Variants in OR7D4 observed in about 807,000 individuals in gnomAD.
OR7D4 encodes olfactory receptor family 7 subfamily D member 4.
For missense variants in OR7D4, 319 were observed against 377.1 expected, an observed-to-expected ratio of 0.85 and a Z score of 1.27; for synonymous variants, 154 against 158.4, an observed-to-expected ratio of 0.97 and a Z score of 0.21.
rs1213365762 is a variant in OR7D4, at chr19:9,210,728, T to A, written c.*3171A>T. 5.7e-5 allele frequency: 8 copies of A among 140,470 alleles called. No homozygotes were observed. The highest frequency in any genetic ancestry group is 2.3e-4 in the South Asian group (1 of 4,324). The allele number at this position is 140,470 out of a possible 1,614,324, so 8.7% of individuals were successfully genotyped here. A position where few individuals can be genotyped will look rare whatever the true frequency, so the allele number is the denominator to read the frequency against. ...CACACAACACACACAACACAGAGTC[T>A]ACACTAGGGAGTTCTCCGCCTGAAG... On this transcript the variant is annotated 3_prime_UTR_variant, in exon 2 of 2. Transcript: ENST00000641669.
rs2051169991 is a variant in OR7D4, at chr19:9,211,100, C to CTGTTG, written c.*2798_*2799insCAACA. On this transcript the variant is annotated 3_prime_UTR_variant, in exon 2 of 2. Coordinates refer to ENST00000641669, the MANE Select transcript of OR7D4 (RefSeq NM_001005191.3). ...TGTCCTGGTAGAAGGATAGGCCTGGCCTCTGTTGCTCTGTCCCTTGCTTCC... is the reference window on the plus strand; with the variant it reads ...TGTCCTGGTAGAAGGATAGGCCTGGCTGTTGCTCTGTTGCTCTGTCCCTTGCTTCC... 1 of 152,276 alleles carries CTGTTG rather than the reference C, an allele frequency of 6.6e-6. No homozygotes were observed. Among genetic ancestry groups the CTGTTG allele is most frequent in the African/African-American group, 2.4e-5 (1 of 41,442 alleles). The allele number at this position is 152,276 out of a possible 1,614,324, so 9.4% of individuals were successfully genotyped here.
chr19:9,213,934 C>A lies in OR7D4; in HGVS notation c.904G>T (p.Glu302Ter), dbSNP rs2051189148. Residue 302 changes from glutamate (E) to a stop codon, truncating the protein, a stop_gained, in exon 2 of 2, where the codon GAA (glutamate) becomes TAA (stop). Coordinates refer to ENST00000641669, the MANE Select transcript of OR7D4 (RefSeq NM_001005191.3). LOFTEE classifies it low-confidence loss of function (END_TRUNC). ...GAGTCGGCCCTGCTGAGGAGTCTTTCCAGGGCCCCCTTCACATCCTTGTTC... is the reference window on the plus strand; with the variant it reads ...GAGTCGGCCCTGCTGAGGAGTCTTTACAGGGCCCCCTTCACATCCTTGTTC... Reference protein sequence around the residue: ...LRNKDVKGALERLLSRADSCP With the variant: ...LRNKDVKGAL 6.2e-7 allele frequency: 1 copy of A among 1,613,996 alleles called. No individual in the cohort carries two copies. The highest frequency in any genetic ancestry group is 8.5e-7 in the Non-Finnish European group (1 of 1,180,004).
intron 1 of OR7D4, among the ~76,000 whole-genome samples, chr19:9,216,417 TAGAG>T (rs1013842596): frequency 2.1e-4 from 32 of 152,258 alleles, no homozygotes; most frequent in Non-Finnish European, 3.8e-4. Context: ...CTGTATACCA[TAGAG>T]AAAGTTATTT....
intron 1 of OR7D4, among the ~76,000 whole-genome samples, chr19:9,218,408 C>T (rs2051233179): frequency 6.6e-6 from 1 of 152,070 alleles, no homozygotes; most frequent in African/African-American, 2.4e-5. Context: ...TAAACAAAAT[C>T]ACAATAGAAA....
rs1015839464 is a variant in OR7D4 at position 9,215,485 on chromosome 19, C to T, written c.-13-635G>A. On this transcript the variant is annotated intron_variant, in intron 1 of 1. Transcript: ENST00000641669. ...TTAAAGGTATGTCATGTCTTTTCCT[C>T]GATAATCCCCATGCTTCCTTCATTC... Among the ~76,000 whole-genome samples, 50 of 152,004 alleles carry T rather than the reference C, an allele frequency of 3.3e-4. 2 individuals carry two copies. The highest frequency in any genetic ancestry group is 9.6e-4 in the African/African-American group (40 of 41,476).
In OR7D4 at chr19:9,218,881, G is replaced by T. The variant is rs370394174; in HGVS notation, c.-14+319C>A. 4.0e-4 allele frequency among the ~76,000 whole-genome samples: 61 copies of T among 152,126 alleles called. No individual in the cohort carries two copies. The East Asian group carries it at 8.3e-3, about 21-fold the overall frequency. The stretch of plus-strand genomic sequence containing the variant: ...GGTCCTGGCCTCAAGTGATCTGCCC[G>T]CCTCGGCCTCCCAAAGTGCTGGGAT... On this transcript the variant is annotated intron_variant, in intron 1 of 1. Transcript: ENST00000641669.
chr19:9,215,727 CTATTAATCT>C (rs1363654345), intron 1 of OR7D4, among the ~76,000 whole-genome samples: 1 of 152,190 alleles, frequency 6.6e-6, no homozygotes, highest in Non-Finnish European at 1.5e-5. Context: ...GCTACTATTA[CTATTAATCT>C]TATTAATCTT....
At chr19:9,214,877 G>C (rs551031674) in intron 1 of OR7D4, 27 bp from the exon 2 acceptor site, 13 of 1,286,126 alleles carry the variant, frequency 1.0e-5, no homozygotes, top group Admixed American at 2.0e-5. Context: ...AAAAAGCAAC[G>C]TTTAATGAAC....
intron 1 of OR7D4, 29 bp from the exon 2 acceptor site, chr19:9,214,879 T>A: frequency 8.2e-7 from 1 of 1,222,132 alleles, no homozygotes; most frequent in Non-Finnish European, 1.2e-6. Flanking sequence ...AAAGCAACGT[T>A]TAATGAACAG....
chr19:9,213,851 G>T lies in OR7D4; in HGVS notation c.*48C>A. 1.5e-6 allele frequency: 2 copies of T among 1,305,152 alleles called. No individual in the cohort carries two copies. Among genetic ancestry groups the T allele is most frequent in the South Asian group, 2.5e-5 (2 of 79,368 alleles). 80.8% of individuals were successfully genotyped at this position (1,305,152 alleles called of 1,614,324 possible). ...CCGGATATTTAAACCCACAACATTT[G>T]CCTTAGGGGTACGCAGTGTGTCCTC... On this transcript the variant is annotated 3_prime_UTR_variant, in exon 2 of 2. Transcript: ENST00000641669.
rs1010010918 is a variant in OR7D4 at position 9,211,014 on chromosome 19, G to C, written c.*2885C>G. The C allele has an allele frequency of 1.3e-5, 2 of 152,270 alleles. No individual in the cohort carries two copies. Among genetic ancestry groups the C allele is most frequent in the African/African-American group, 4.8e-5 (2 of 41,470 alleles). 9.4% of individuals were successfully genotyped at this position (152,270 alleles called of 1,614,324 possible). A position where few individuals can be genotyped will look rare whatever the true frequency, so the allele number is the denominator to read the frequency against. On this transcript the variant is annotated 3_prime_UTR_variant, in exon 2 of 2. Transcript: ENST00000641669. ...TTCTGACAGTACAATGTCTTGAATGGTGAGGAACTCTACCGGAAGGCAGAG... is the reference window on the plus strand; with the variant it reads ...TTCTGACAGTACAATGTCTTGAATGCTGAGGAACTCTACCGGAAGGCAGAG...
intron 1 of OR7D4, among the ~76,000 whole-genome samples, chr19:9,217,703 T>G (rs1246724311): frequency 2.0e-5 from 3 of 152,142 alleles, no homozygotes; most frequent in Non-Finnish European, 4.4e-5. Context: ...TACGCTCAGC[T>G]AATTTTTTTA....
chr19:9,214,851 C>T lies in OR7D4; in HGVS notation c.-13-1G>A, dbSNP rs754558411. The stretch of plus-strand genomic sequence containing the variant: ...TTCTGCTTCCATGTAGCTGTTGTGT[C>T]TGCTGGGGAAGGAGGAAAAAGCAAC... On this transcript the variant is annotated splice_acceptor_variant, in intron 1 of 1. Coordinates refer to ENST00000641669, the MANE Select transcript of OR7D4 (RefSeq NM_001005191.3). LOFTEE classifies it low-confidence loss of function (5UTR_SPLICE). The T allele has an allele frequency of 6.4e-7, 1 of 1,555,096 alleles. No individual in the cohort carries two copies. The highest frequency in any genetic ancestry group is 8.7e-7 in the Non-Finnish European group (1 of 1,146,820).
intron 1 of OR7D4, among the ~76,000 whole-genome samples, chr19:9,218,413 T>C (rs915978609): frequency 1.3e-5 from 2 of 151,922 alleles, no homozygotes; most frequent in South Asian, 4.2e-4. Flanking sequence ...AAAATCACAA[T>C]AGAAAAAATG....
rs1295726868 is a variant in OR7D4 at position 9,214,574 on chromosome 19, C to G, written c.264G>C (p.Arg88=). Residue 88 remains arginine, a synonymous_variant, in exon 2 of 2, where the codon CGG becomes CGC. Transcript: ENST00000641669. ...VPKMLVSIQA[R]SKDISYMGCL... is the part of the protein sequence containing the mutation. ...ACCCCATGTAGGAGATGTCTTTGCT[C>G]CGTGCCTGGATGCTCACTAGCATCT... The G allele has an allele frequency of 3.7e-6, 6 of 1,614,102 alleles. No individual in the cohort carries two copies. The highest frequency in any genetic ancestry group is 3.3e-4 in the Middle Eastern group (2 of 6,060).
Position 9,214,808 on chromosome 19 carries a change from T to C in OR7D4, c.30A>G (p.Ser10=). Residue 10 remains serine, a synonymous_variant, in exon 2 of 2, where the codon TCA becomes TCG. Transcript: ENST00000641669. MEAENLTEL[S]KFLLLGLSDD... ...CTGAGAGTCCCAGGAGGAGAAATTT[T>C]GATAATTCTGTAAGGTTTTCTGCTT... 3 of 1,609,594 alleles carry C rather than the reference T, an allele frequency of 1.9e-6. No individual in the cohort carries two copies. Among genetic ancestry groups the C allele is most frequent in the Non-Finnish European group, 2.5e-6 (3 of 1,177,976 alleles).
chr19:9,218,801 T>C (rs1022924806), intron 1 of OR7D4, among the ~76,000 whole-genome samples: 3 of 152,086 alleles, frequency 2.0e-5, no homozygotes, highest in Non-Finnish European at 4.4e-5. Flanking sequence ...GCTTTCTTTT[T>C]TTGTTATTGT....
At position 9,214,725 on chromosome 19, in the gene OR7D4, G is replaced by T; in HGVS notation, c.113C>A (p.Thr38Lys). 6.2e-7 allele frequency: 1 copy of T among 1,613,974 alleles called. No homozygotes were observed. Among genetic ancestry groups the T allele is most frequent in the Non-Finnish European group, 8.5e-7 (1 of 1,179,890 alleles). The stretch of plus-strand genomic sequence containing the variant: ...AATGATGAGCAGGTTCCCCAGCACC[G>T]TGACCAGGTACATGGACAGGAACAG... ...FGLFLSMYLV[T>K]VLGNLLIILA... Residue 38 changes from threonine (T) to lysine (K), a missense_variant, in exon 2 of 2, where the codon ACG becomes AAG. By Grantham distance (78) the Thr-to-Lys change is moderately conservative. Transcript: ENST00000641669.
chr19:9,213,852 C>T lies in OR7D4; in HGVS notation c.*47G>A, dbSNP rs754592827. 2.3e-6 allele frequency: 3 copies of T among 1,330,578 alleles called. No individual in the cohort carries two copies. Among genetic ancestry groups the T allele is most frequent in the South Asian group, 1.2e-5 (1 of 80,454 alleles). The allele number at this position is 1,330,578 out of a possible 1,614,324, so 82.4% of individuals were successfully genotyped here. On this transcript the variant is annotated 3_prime_UTR_variant, in exon 2 of 2. Transcript: ENST00000641669. ...CGGATATTTAAACCCACAACATTTG[C>T]CTTAGGGGTACGCAGTGTGTCCTCT...
Sources: gnomAD v4.1 joint callset for allele counts (sites outside exome capture counted in the v4.1 genomes callset) on GRCh38, gnomAD v4.1.1 for gene constraint, MANE v1.5 for transcripts, NCBI Gene and HGNC (gene_info 2026-07-23, HGNC 2026-07-21) for gene names.